The following RBFOX1 variants were observed in gnomAD, a reference collection of about 807,000 sequenced individuals.
The protein encoded by RBFOX1 is RNA binding fox-1 homolog 1.
A neutral mutation model predicts 57.7 loss-of-function variants in RBFOX1; 8 were observed. That is an observed-to-expected ratio of 0.14 (90% CI 0.08 to 0.25). The LOEUF is 0.25. Among genes scored for constraint, RBFOX1 ranks in the 10% least tolerant of loss-of-function variants. RBFOX1 has a pLI of 1.00. For synonymous variants in RBFOX1, 326 were observed against 222.4 expected, an observed-to-expected ratio of 1.47 and a Z score of -4.15; for missense variants, 611 against 548.5, an observed-to-expected ratio of 1.11 and a Z score of -1.14.
intron 1 of RBFOX1, among the ~76,000 whole-genome samples, chr16:5,263,848 T>G (rs370640511): frequency 7.9e-5 from 12 of 152,162 alleles, no homozygotes; most frequent in African/African-American, 2.7e-4. Context: ...AATTTATTTG[T>G]GATGGTTAAA....
chr16:5,627,984 T>G (rs1040657481), intron 3 of RBFOX1, among the ~76,000 whole-genome samples: 1 of 152,230 alleles, frequency 6.6e-6, no homozygotes, highest in African/African-American at 2.4e-5. Context: ...AGAGGCATTC[T>G]TATAGCCTTA....
intron 2 of RBFOX1, among the ~76,000 whole-genome samples, chr16:6,361,445 T>C (rs2088500475): frequency 1.3e-5 from 2 of 151,942 alleles, no homozygotes; most frequent in East Asian, 1.9e-4. Flanking sequence ...CTGGCCAATA[T>C]GGTGACACCC....
At chr16:6,177,371 A>G (rs976518111) in intron 1 of RBFOX1, among the ~76,000 whole-genome samples, 1 of 151,970 alleles carries the variant, frequency 6.6e-6, no homozygotes, top group Non-Finnish European at 1.5e-5. Context: ...AGTTTACTTA[A>G]TGCAATTCCC....
At chr16:5,725,957 C>T (rs542149943) in intron 3 of RBFOX1, among the ~76,000 whole-genome samples, 29 of 152,166 alleles carry the variant, frequency 1.9e-4, no homozygotes, top group African/African-American at 6.7e-4. Context: ...CATACAAACC[C>T]ACATTTCTGA....
chr16:6,939,042 C>G (rs997260607), intron 3 of RBFOX1, among the ~76,000 whole-genome samples: 1 of 152,176 alleles, frequency 6.6e-6, no homozygotes, highest in Admixed American at 6.5e-5. Flanking sequence ...GTGACGAACT[C>G]TGGAATATCA....
intron 4 of RBFOX1, among the ~76,000 whole-genome samples, chr16:5,995,707 T>C (rs763579926): frequency 6.6e-6 from 1 of 152,134 alleles, no homozygotes; most frequent in Non-Finnish European, 1.5e-5. Flanking sequence ...AAATCTTTGA[T>C]ATAAACAGAA....
chr16:6,917,840 C>G (rs557775110), intron 3 of RBFOX1, among the ~76,000 whole-genome samples: 95 of 152,260 alleles, frequency 6.2e-4, no homozygotes, highest in African/African-American at 2.2e-3. Context: ...GGGGAGACAT[C>G]ATCCTTTGTC....
chr16:6,986,880 T>A (rs1473138858), intron 3 of RBFOX1, among the ~76,000 whole-genome samples: 3 of 152,164 alleles, frequency 2.0e-5, no homozygotes. Flanking sequence ...AATCCTAGAA[T>A]CTCAAGTTGC....
intron 4 of RBFOX1, among the ~76,000 whole-genome samples, chr16:7,351,353 C>G (rs1438098916): frequency 6.6e-6 from 1 of 152,232 alleles, no homozygotes. Context: ...TTTGATAATT[C>G]TTTAGACATG....
At chr16:5,490,655 C>T (rs942945986) in intron 2 of RBFOX1, among the ~76,000 whole-genome samples, 7 of 152,126 alleles carry the variant, frequency 4.6e-5, no homozygotes, top group Non-Finnish European at 1.0e-4. Context: ...CTGTGAGCTC[C>T]GAGCATCTCT....
chr16:6,479,451 G>A (rs143683557), intron 2 of RBFOX1, among the ~76,000 whole-genome samples: 3,854 of 151,946 alleles, frequency 0.025, 149 homozygotes, highest in African/African-American at 0.084. Flanking sequence ...AGCCCGGCAT[G>A]GTGGCACACA....
chr16:7,647,991 A>G (rs2064095857), intron 11 of RBFOX1, among the ~76,000 whole-genome samples: 1 of 152,198 alleles, frequency 6.6e-6, no homozygotes, highest in South Asian at 2.1e-4. Flanking sequence ...CCAGGTAATC[A>G]TCTCAAATAT....
At chr16:6,776,045 G>C (rs909410196) in intron 3 of RBFOX1, 2 of 152,080 alleles carry the variant, frequency 1.3e-5, no homozygotes, top group African/African-American at 4.8e-5. Flanking sequence ...TTACTTTCTT[G>C]GATCATATGT....
intron 4 of RBFOX1, among the ~76,000 whole-genome samples, chr16:7,413,017 G>A (rs543957524): frequency 2.0e-4 from 30 of 151,966 alleles, no homozygotes; most frequent in South Asian, 8.3e-4. Flanking sequence ...ACTCCAGCCC[G>A]GGCGAAAGAG....
intron 1 of RBFOX1, chr16:5,270,635 T>C: frequency 3.5e-6 from 2 of 569,464 alleles, no homozygotes; most frequent in African/African-American, 3.8e-5. Context: ...GAAGACCTCT[T>C]ATGCTCAGCA....
At chr16:6,089,462 G>C (rs755329351) in intron 1 of RBFOX1, among the ~76,000 whole-genome samples, 2 of 152,224 alleles carry the variant, frequency 1.3e-5, no homozygotes, top group East Asian at 3.9e-4. Context: ...GGAAGGAGAA[G>C]AAACTGAGGT....
chr16:6,505,306 T>G (rs533706019), intron 2 of RBFOX1, among the ~76,000 whole-genome samples: 22 of 152,282 alleles, frequency 1.4e-4, no homozygotes, highest in African/African-American at 5.1e-4. Context: ...ACCCTGATAT[T>G]CATCACTCAA....
chr16:6,744,795 G>C (rs775199315), intron 3 of RBFOX1, among the ~76,000 whole-genome samples: 1 of 152,004 alleles, frequency 6.6e-6, no homozygotes, highest in African/African-American at 2.4e-5. Flanking sequence ...AATAGAAAAA[G>C]AAGGTGAACT....
chr16:6,551,028 A>C (rs997690521), intron 2 of RBFOX1, among the ~76,000 whole-genome samples: 1 of 152,004 alleles, frequency 6.6e-6, no homozygotes, highest in Non-Finnish European at 1.5e-5. Context: ...GCAGAGGAGG[A>C]GATGGATTTT....
Sources: gnomAD v4.1 joint callset for allele counts (sites outside exome capture counted in the v4.1 genomes callset) on GRCh38, gnomAD v4.1.1 for gene constraint, MANE v1.5 for transcripts, NCBI Gene and HGNC (gene_info 2026-07-23, HGNC 2026-07-21) for gene names.